TRAK1: variants seen among roughly 807,000 people sequenced by gnomAD.
The protein encoded by TRAK1 is trafficking kinesin-binding protein 1.
TRAK1 carries 33 observed loss-of-function variants against 92.1 expected under a neutral mutation model. The ratio of observed to expected loss-of-function variants is 0.36; its 90% CI spans 0.27 to 0.48. The LOEUF is 0.48. Among genes scored for constraint, TRAK1 ranks in the 20% least tolerant of loss-of-function variants. The pLI is 0.99. For missense variants in TRAK1, 1,123 were observed against 1,257.9 expected, an observed-to-expected ratio of 0.89 and a Z score of 1.62; for synonymous variants, 521 against 517.3, an observed-to-expected ratio of 1.01 and a Z score of -0.10.
chr3:42,188,204 G>A (rs1705177962), intron 5 of TRAK1, 59 bp downstream of exon 5: 1 of 1,521,438 alleles, frequency 6.6e-7, no homozygotes, highest in East Asian at 2.2e-5. Flanking sequence ...CGCTGTTGAT[G>A]TCCTTGGAGT....
Position 42,184,764 on chromosome 3 carries a change from AG to A in TRAK1, c.444del (p.Glu148AspfsTer23), listed in dbSNP as rs1320859731. 2.5e-6 allele frequency: 4 copies of A among 1,613,964 alleles called. No individual in the cohort carries two copies. In the African/African-American group the frequency reaches 5.3e-5, roughly 22 times the overall value. Reference sequence around the variant, plus strand: ...AACAAGACCCTAACCGAGAGGAACGAGCTGCTGGAGGAGCAGGTGGAACACA... The same window carrying A: ...AACAAGACCCTAACCGAGAGGAACGACTGCTGGAGGAGCAGGTGGAACACA... ...KKNKTLTERN[E>X]LLEEQVEHIR... On this transcript the variant is annotated frameshift_variant, in exon 4 of 16. Coordinates refer to ENST00000327628, the MANE Select transcript of TRAK1 (RefSeq NM_001042646.3). LOFTEE classifies it high-confidence loss of function.
intron 1 of TRAK1, among the ~76,000 whole-genome samples, chr3:42,074,699 T>G (rs909204937): frequency 6.6e-6 from 1 of 150,804 alleles, no homozygotes; most frequent in Non-Finnish European, 1.5e-5. Context: ...TTTTCCCAAC[T>G]TTTATTTAGG....
chr3:42,193,812 G>C lies in TRAK1; in HGVS notation c.901-12G>C. 1 of 1,614,090 alleles carries C rather than the reference G, an allele frequency of 6.2e-7. No individual in the cohort carries two copies. The highest frequency in any genetic ancestry group is 8.5e-7 in the Non-Finnish European group (1 of 1,179,974). ...GTATCTTAGGAAGTGATCTATCTTTGCCATGCTTTAGTGCGCAGTGGAAAA... is the reference window on the plus strand; with the variant it reads ...GTATCTTAGGAAGTGATCTATCTTTCCCATGCTTTAGTGCGCAGTGGAAAA... On this transcript the variant is annotated splice_polypyrimidine_tract_variant and intron_variant, in intron 8 of 15. Transcript: ENST00000327628.
chr3:42,119,901 A>G (rs1233298710), intron 1 of TRAK1, among the ~76,000 whole-genome samples: 1 of 152,154 alleles, frequency 6.6e-6, no homozygotes, highest in Non-Finnish European at 1.5e-5. Context: ...ATGATGAAGC[A>G]CTTTATAGGG....
chr3:42,140,094 C>T (rs1260566621), intron 2 of TRAK1, among the ~76,000 whole-genome samples: 1 of 152,168 alleles, frequency 6.6e-6, no homozygotes, highest in Non-Finnish European at 1.5e-5. Context: ...TTAATGAGAA[C>T]TACATCGAGG....
chr3:42,100,158 G>A (rs1706538042), intron 1 of TRAK1, among the ~76,000 whole-genome samples: 8 of 152,146 alleles, frequency 5.3e-5, no homozygotes, highest in Admixed American at 5.2e-4. Context: ...CAAGGAATTT[G>A]AAGCCAGCCA....
chr3:42,048,157 G>A (rs1702833217), intron 1 of TRAK1, among the ~76,000 whole-genome samples: 1 of 151,944 alleles, frequency 6.6e-6, no homozygotes, highest in African/African-American at 2.4e-5. Flanking sequence ...TATGTATGTT[G>A]TCTTTTTCAA....
At chr3:42,089,692 A>T (rs557452188), upstream of TRAK1, among the ~76,000 whole-genome samples, 9 of 132,778 alleles carry the variant, frequency 6.8e-5, no homozygotes, top group East Asian at 2.0e-3. Flanking sequence ...CCCAATACAG[A>T]GTGATCTGCC....
intron 1 of TRAK1, among the ~76,000 whole-genome samples, chr3:42,071,540 T>G (rs1308080578): frequency 6.6e-6 from 1 of 152,046 alleles, no homozygotes; most frequent in Non-Finnish European, 1.5e-5. Context: ...AAATCCCGTC[T>G]CTACTAAAAA....
chr3:42,207,555 G>A (rs1372740333), intron 13 of TRAK1, among the ~76,000 whole-genome samples: 1 of 152,122 alleles, frequency 6.6e-6, no homozygotes, highest in African/African-American at 2.4e-5. Flanking sequence ...TCCCCTATCT[G>A]TAAAGTATAT....
In TRAK1 at chr3:42,049,991, A is replaced by G. The variant is rs780898498; in HGVS notation, c.-519+35874A>G. On this transcript the variant is annotated intron_variant, in intron 1 of 16. Coordinates refer to the TRAK1 transcript ENST00000487159. ...ATTTGAGGGAGCTGGCTGGAGCTCTATGTGCAGAGCAGGGCTTGTTGACAG... is the reference window on the plus strand; with the variant it reads ...ATTTGAGGGAGCTGGCTGGAGCTCTGTGTGCAGAGCAGGGCTTGTTGACAG... Among the ~76,000 whole-genome samples the G allele has an allele frequency of 6.6e-5, 10 of 152,220 alleles. No individual in the cohort carries two copies. The East Asian group carries it at 1.5e-3, about 24-fold the overall frequency.
chr3:42,093,220 C>T lies in TRAK1; in HGVS notation c.91+1660C>T, dbSNP rs534330190. Among the ~76,000 whole-genome samples, 44 of 149,546 alleles carry T rather than the reference C, an allele frequency of 2.9e-4. No individual in the cohort carries two copies. In the East Asian group the frequency reaches 7.6e-3, roughly 26 times the overall value. On this transcript the variant is annotated intron_variant, in intron 1 of 15. Coordinates refer to ENST00000327628, the MANE Select transcript of TRAK1 (RefSeq NM_001042646.3). ...GTAATTTAGAAGTTTTTTTTTTTCT[C>T]CTTCTCTTAGTGGAATCTCCTTTAT...
chr3:42,030,849 A>G (rs1415668398), intron 1 of TRAK1, among the ~76,000 whole-genome samples: 1 of 151,176 alleles, frequency 6.6e-6, no homozygotes, highest in Non-Finnish European at 1.5e-5. Flanking sequence ...TAGTGGATGA[A>G]GAAGGAGAAT....
intron 1 of TRAK1, among the ~76,000 whole-genome samples, chr3:42,058,812 C>A (rs1703307785): frequency 6.6e-6 from 1 of 152,100 alleles, no homozygotes; most frequent in African/African-American, 2.4e-5. Flanking sequence ...GCTTTATGTA[C>A]CTCTAAGAAA....
At chr3:42,183,838 T>C (rs1704395149) in intron 3 of TRAK1, among the ~76,000 whole-genome samples, 1 of 152,216 alleles carries the variant, frequency 6.6e-6, no homozygotes, top group Non-Finnish European at 1.5e-5. Flanking sequence ...AGCAACTCGC[T>C]AAGTCTGCAT....
At chr3:42,110,879 C>T (rs547616243) in intron 1 of TRAK1, among the ~76,000 whole-genome samples, 4 of 152,332 alleles carry the variant, frequency 2.6e-5, no homozygotes, top group Non-Finnish European at 5.9e-5. Flanking sequence ...GATGGCTGCT[C>T]ATTCCATCCT....
Position 42,184,780 on chromosome 3 carries a change from G to C in TRAK1, c.459G>C (p.Gln153His). 6.2e-7 allele frequency: 1 copy of C among 1,614,002 alleles called. No individual in the cohort carries two copies. Among genetic ancestry groups the C allele is most frequent in the African/African-American group, 1.3e-5 (1 of 75,062 alleles). Residue 153 changes from glutamine to histidine, a missense_variant, in exon 4 of 16, where the codon CAG becomes CAC. Around this residue, in one of 3 missense-constraint regions of TRAK1, gnomAD observed 686 missense variants for 747.6 expected, o/e 0.92. Coordinates refer to ENST00000327628, the MANE Select transcript of TRAK1 (RefSeq NM_001042646.3). ...AGAGGAACGAGCTGCTGGAGGAGCAGGTGGAACACATCAGGGAGGAGGTAA... is the reference window on the plus strand; with the variant it reads ...AGAGGAACGAGCTGCTGGAGGAGCACGTGGAACACATCAGGGAGGAGGTAA... The part of the protein sequence containing the change: ...LTERNELLEE[Q>H]VEHIREEVSQ...
At chr3:42,180,172 A>T (rs1322735364) in intron 3 of TRAK1, among the ~76,000 whole-genome samples, 1 of 152,226 alleles carries the variant, frequency 6.6e-6, no homozygotes, top group African/African-American at 2.4e-5. Flanking sequence ...AGAAAAAACT[A>T]GAGACACTAC....
rs1175284160 is a variant in TRAK1 at position 42,157,142 on chromosome 3, ACT to A, written c.287-19669_287-19668del. Among the ~76,000 whole-genome samples the A allele has an allele frequency of 2.7e-5, 4 of 147,706 alleles. No homozygotes were observed. In the East Asian group the frequency reaches 7.9e-4, roughly 29 times the overall value. On this transcript the variant is annotated intron_variant, in intron 2 of 15. Coordinates refer to ENST00000327628, the MANE Select transcript of TRAK1 (RefSeq NM_001042646.3). ...ACTCCAGCCTGGGAGAGAGAGTGAG[ACT>A]CTGTCTGGAAAAAAAAAAAAAATTA...
Sources: allele counts gnomAD v4.1 joint callset (sites outside exome capture counted in the v4.1 genomes callset), GRCh38; gene constraint gnomAD v4.1.1; regional missense constraint gnomAD v4.1.1; transcripts MANE v1.5; gene names NCBI Gene and HGNC (gene_info 2026-07-23, HGNC 2026-07-21).